Variants in PRDM1 observed in about 807,000 individuals in gnomAD.
The protein encoded by PRDM1 is PR domain zinc finger protein 1.
Under a neutral mutation model 62.8 loss-of-function variants are expected in PRDM1, and 13 were observed. The observed-to-expected ratio is 0.21, with a 90% CI of 0.13 to 0.33. The LOEUF is 0.33. Ranked by LOEUF, PRDM1 falls within the 10% of genes least tolerant of loss-of-function variation. The pLI is 1.00. For missense variants in PRDM1, 895 were observed against 1,058.8 expected (o/e 0.85, Z 2.15); for synonymous variants, 396 against 417.6 (o/e 0.95, Z 0.63).
intron 1 of PRDM1, among the ~76,000 whole-genome samples, chr6:106,025,277 C>T (rs1023613464): frequency 3.9e-5 from 6 of 152,130 alleles, no homozygotes; most frequent in African/African-American, 1.4e-4. Context: ...TTAGGTTCTC[C>T]CACAGCTGTA....
At position 106,042,390 on chromosome 6, in the gene PRDM1, G is replaced by T. The variant is rs543097786; in HGVS notation, c.-66-45811G>T. 2.0e-5 allele frequency among the ~76,000 whole-genome samples: 3 copies of T among 151,610 alleles called. No individual in the cohort carries two copies. The South Asian group carries it at 6.2e-4, about 31-fold the overall frequency. On this transcript the variant is annotated intron_variant, in intron 1 of 6. Transcript: ENST00000652320. ...ACAAAAGAAAAAATTAGCCGGGCGTGGTGGTGCATGCCTGTAATCCCAGCT... is the reference window on the plus strand; with the variant it reads ...ACAAAAGAAAAAATTAGCCGGGCGTTGTGGTGCATGCCTGTAATCCCAGCT...
At chr6:106,098,924 T>C in intron 3 of PRDM1, 2 of 1,515,060 alleles carry the variant, frequency 1.3e-6, no homozygotes, top group Non-Finnish European at 1.8e-6. Flanking sequence ...AAAGTCAGCA[T>C]AATCGGAACT....
intron 1 of PRDM1, among the ~76,000 whole-genome samples, chr6:106,012,424 T>G (rs1476789398): frequency 2.7e-5 from 4 of 145,538 alleles, no homozygotes; most frequent in African/African-American, 1.0e-4. Context: ...ACAAAAAACA[T>G]ACTACATACA....
At chr6:106,092,771 C>A (rs1773998753) in intron 2 of PRDM1, among the ~76,000 whole-genome samples, 1 of 152,154 alleles carries the variant, frequency 6.6e-6, no homozygotes, top group African/African-American at 2.4e-5. Flanking sequence ...CTTAGAGTTT[C>A]AGCTTTTATG....
Position 106,109,746 on chromosome 6 carries a change from T to G in PRDM1, c.*2260T>G, listed in dbSNP as rs567447855. The G allele has an allele frequency of 4.3e-6, 1 of 233,304 alleles. No homozygotes were observed. The highest frequency in any genetic ancestry group is 2.2e-5 in the African/African-American group (1 of 45,462). The allele number at this position is 233,304 out of a possible 1,614,324, so 14.5% of individuals were successfully genotyped here. A position where few individuals can be genotyped will look rare whatever the true frequency, so the allele number is the denominator to read the frequency against. ...ATCCTTCTCTTTTCTGCCTCTTACA[T>G]GTGAATGTTGAGCCCACAATCAACA... On this transcript the variant is annotated 3_prime_UTR_variant, in exon 7 of 7. Coordinates refer to ENST00000369096, the MANE Select transcript of PRDM1 (RefSeq NM_001198.4).
Position 106,105,670 on chromosome 6 carries a change from A to G in PRDM1, c.1510A>G (p.Ser504Gly). 6.2e-7 allele frequency: 1 copy of G among 1,612,316 alleles called. No individual in the cohort carries two copies. Residue 504 changes from serine (S) to glycine (G), a missense_variant, in exon 5 of 7, where the codon AGC becomes GGC. Around this residue, in one of 4 missense-constraint regions of PRDM1, gnomAD observed 444 missense variants for 422.7 expected, o/e 1.05. Coordinates refer to ENST00000369096, the MANE Select transcript of PRDM1 (RefSeq NM_001198.4). The part of the protein sequence containing the change: ...SAFSFTGAAA[S>G]MKDKACSPTS... ...CTTCTCCTTTACCGGGGCCGCCGCC[A>G]GCATGAAGGACAAGGCCTGTAGCCC...
In PRDM1 at chr6:106,107,468, T is replaced by C. The variant is rs2114665629; in HGVS notation, c.2460T>C (p.Val820=). 6.2e-7 allele frequency: 1 copy of C among 1,602,946 alleles called. No individual in the cohort carries two copies. The highest frequency in any genetic ancestry group is 1.7e-5 in the Admixed American group (1 of 57,604). ...CTGTAAAGGTCAAACAAGAAACAGTTGAACCAATGGATCCTTAAGATTTTC... is the reference window on the plus strand; with the variant it reads ...CTGTAAAGGTCAAACAAGAAACAGTCGAACCAATGGATCCTTAAGATTTTC... ...LVPVKVKQET[V]EPMDP is the part of the protein sequence containing the mutation. Residue 820 remains valine (V), a synonymous_variant, in exon 7 of 7, where the codon GTT becomes GTC. Transcript: ENST00000369096.
At chr6:106,024,217 C>T (rs1582429535) in intron 1 of PRDM1, among the ~76,000 whole-genome samples, 1 of 152,138 alleles carries the variant, frequency 6.6e-6, no homozygotes, top group East Asian at 1.9e-4. Context: ...TTGTGCCTGG[C>T]AGGCTATGGA....
At chr6:106,062,564 CCTTT>C (rs1341027489) in intron 1 of PRDM1, among the ~76,000 whole-genome samples, 1 of 152,142 alleles carries the variant, frequency 6.6e-6, no homozygotes, top group African/African-American at 2.4e-5. Context: ...TGCACCTGGC[CCTTT>C]CTAAGAGTGA....
rs137867711 is a variant in PRDM1 at position 106,107,117 on chromosome 6, G to T, written c.2109G>T (p.Lys703Asn). The T allele has an allele frequency of 6.2e-7, 1 of 1,614,156 alleles. No individual in the cohort carries two copies. Among genetic ancestry groups the T allele is most frequent in the Non-Finnish European group, 8.5e-7 (1 of 1,180,006 alleles). ...ACTACATCCATCTCTGTAGCCTCAA[G>T]GTTCACCTGAAAGGGAACTGCGCTG... ...HKNYIHLCSL[K>N]VHLKGNCAAA... Residue 703 changes from lysine (K) to asparagine (N), a missense_variant, in exon 7 of 7, where the codon AAG becomes AAT. By Grantham distance (94) the Lys-to-Asn change is moderately conservative (BLOSUM62 0). Transcript: ENST00000369096.
upstream of PRDM1, among the ~76,000 whole-genome samples, chr6:105,993,177 G>C (rs906682339): frequency 2.0e-5 from 3 of 152,160 alleles, no homozygotes; most frequent in Admixed American, 1.3e-4. Context: ...TACTGGAATC[G>C]TTAATTATGC....
chr6:106,095,438 G>C (rs1774087114), intron 2 of PRDM1, among the ~76,000 whole-genome samples, 177 bp from the exon 3 acceptor site: 1 of 152,100 alleles, frequency 6.6e-6, no homozygotes, highest in Non-Finnish European at 1.5e-5. Flanking sequence ...TTTAAAAGAT[G>C]GTCTCCCCCT....
chr6:106,098,404 A>G (rs1038026467), intron 3 of PRDM1: 8 of 985,238 alleles, frequency 8.1e-6, no homozygotes, highest in Non-Finnish European at 8.4e-6. Flanking sequence ...TCTGTTATCC[A>G]GAAGTAGTAT....
chr6:106,097,793 G>T (rs1016776211), intron 3 of PRDM1, among the ~76,000 whole-genome samples: 38 of 152,328 alleles, frequency 2.5e-4, no homozygotes, highest in Middle Eastern at 3.4e-3. Context: ...CCGCACCAGC[G>T]AAGAGTACAA....
At chr6:106,002,992 G>T (rs1474518242) in intron 1 of PRDM1, among the ~76,000 whole-genome samples, 1 of 133,244 alleles carries the variant, frequency 7.5e-6, no homozygotes, top group Admixed American at 8.1e-5. Flanking sequence ...AATGTTATTA[G>T]TTTGTGATTA....
At chr6:106,033,736 TC>T (rs1260873293) in intron 1 of PRDM1, among the ~76,000 whole-genome samples, 1 of 152,180 alleles carries the variant, frequency 6.6e-6, no homozygotes. Flanking sequence ...AGCTTTGGTA[TC>T]AGGATAATGC....
chr6:106,090,553 G>C (rs1408855587), intron 2 of PRDM1, among the ~76,000 whole-genome samples: 1 of 152,194 alleles, frequency 6.6e-6, no homozygotes, highest in Non-Finnish European at 1.5e-5. Context: ...GGAAAGGACA[G>C]CTTCCTTTAG....
rs1159245099 is a variant in PRDM1 at position 106,095,698 on chromosome 6, A to G, written c.375A>G (p.Thr125=). The G allele has an allele frequency of 3.1e-6, 5 of 1,614,058 alleles. No homozygotes were observed. The African/African-American group carries it at 6.7e-5, about 22-fold the overall frequency. ...TAGGTGAAATCTACACCAATGACAC[A>G]GTTCCTAAGAACGCCAACAGGAAAT... ...PLIGEIYTND[T]VPKNANRKYF... The change falls in exon 3 of 7, where the codon ACA becomes ACG. Residue 125 remains threonine (T), a synonymous_variant. Transcript: ENST00000369096.
intron 1 of PRDM1, among the ~76,000 whole-genome samples, chr6:106,023,559 G>A (rs890087097): frequency 6.6e-6 from 1 of 152,192 alleles, no homozygotes; most frequent in Non-Finnish European, 1.5e-5. Context: ...ATTAGGCAAT[G>A]GAGGTCATTA....
Sources: allele counts gnomAD v4.1 joint callset (sites outside exome capture counted in the v4.1 genomes callset), GRCh38; gene constraint gnomAD v4.1.1; regional missense constraint gnomAD v4.1.1; transcripts MANE v1.5; gene names NCBI Gene and HGNC (gene_info 2026-07-23, HGNC 2026-07-21).